OTUD7A: variants seen among roughly 807,000 people sequenced by gnomAD.
OTUD7A encodes OTU deubiquitinase 7A, also known as OTU domain-containing protein 7A.
A neutral mutation model predicts 65.7 loss-of-function variants in OTUD7A; 12 were observed. The ratio of observed to expected loss-of-function variants is 0.18; its 90% CI spans 0.12 to 0.30. The LOEUF is 0.30. Ranked by LOEUF, OTUD7A falls within the 10% of genes least tolerant of loss-of-function variation. OTUD7A has a pLI of 1.00. For missense variants in OTUD7A, 1,148 were observed against 1,304.8 expected (o/e 0.88, Z 1.85); for synonymous variants, 641 against 586.3 (o/e 1.09, Z -1.35).
intron 1 of OTUD7A, among the ~76,000 whole-genome samples, chr15:31,797,013 C>T (rs774988424): frequency 2.6e-5 from 4 of 152,282 alleles, no homozygotes; most frequent in East Asian, 1.9e-4. Flanking sequence ...GGATTACAGG[C>T]GTGAGCCACG....
chr15:31,623,349 C>T (rs1318300535), intron 3 of OTUD7A, among the ~76,000 whole-genome samples: 1 of 152,204 alleles, frequency 6.6e-6, no homozygotes, highest in African/African-American at 2.4e-5. Context: ...TTCAGCTATG[C>T]CCTGTCCCCA....
At chr15:31,556,825 A>G (rs1423172007) in intron 5 of OTUD7A, 1 of 152,266 alleles carries the variant, frequency 6.6e-6, no homozygotes, top group African/African-American at 2.4e-5. Context: ...CCGCTTCTCT[A>G]TGAATAGTGA....
intron 1 of OTUD7A, among the ~76,000 whole-genome samples, chr15:31,828,166 G>T (rs1210773231): frequency 6.6e-6 from 1 of 152,032 alleles, no homozygotes; most frequent in Non-Finnish European, 1.5e-5. Flanking sequence ...TTCCTCCTAT[G>T]CTTAAATTCT....
intron 1 of OTUD7A, among the ~76,000 whole-genome samples, chr15:31,664,628 G>A (rs1253963368): frequency 1.3e-5 from 2 of 152,086 alleles, no homozygotes; most frequent in Non-Finnish European, 2.9e-5. Flanking sequence ...TCTGCTGGCT[G>A]TTCCTTTTAC....
intron 1 of OTUD7A, among the ~76,000 whole-genome samples, chr15:31,802,776 CT>C (rs1193811695): frequency 3.3e-5 from 5 of 152,234 alleles, no homozygotes; most frequent in Non-Finnish European, 7.4e-5. Context: ...TAGTCACTTC[CT>C]TTTTTTACTC....
intron 1 of OTUD7A, among the ~76,000 whole-genome samples, chr15:31,713,106 A>C (rs1893489742): frequency 6.6e-6 from 1 of 152,212 alleles, no homozygotes; most frequent in Admixed American, 6.5e-5. Flanking sequence ...TTGAGAGAGT[A>C]TTTATGTCCA....
intron 5 of OTUD7A, among the ~76,000 whole-genome samples, chr15:31,555,585 T>C (rs982021512): frequency 3.3e-5 from 5 of 152,118 alleles, no homozygotes; most frequent in African/African-American, 1.2e-4. Flanking sequence ...TGCCAGTGCT[T>C]TCCAGTGACC....
chr15:31,524,404 C>G (rs950004131), intron 8 of OTUD7A, among the ~76,000 whole-genome samples: 1 of 152,126 alleles, frequency 6.6e-6, no homozygotes, highest in African/African-American at 2.4e-5. Context: ...GGTCTTGGAA[C>G]AGTTACCTAA....
At chr15:31,614,587 A>G (rs1890529795) in intron 3 of OTUD7A, among the ~76,000 whole-genome samples, 3 of 152,206 alleles carry the variant, frequency 2.0e-5, no homozygotes, top group Non-Finnish European at 2.9e-5. Context: ...GCCAGTCTAC[A>G]GTCCTATATC....
chr15:31,755,022 GGT>G (rs994874751), intron 1 of OTUD7A, among the ~76,000 whole-genome samples: 1 of 150,744 alleles, frequency 6.6e-6, no homozygotes, highest in Admixed American at 6.6e-5. Context: ...AGAGAGAGAT[GGT>G]GTGTGTGTGT....
intron 1 of OTUD7A, among the ~76,000 whole-genome samples, chr15:31,764,744 T>C (rs112630344): frequency 0.023 from 3,546 of 152,194 alleles, 139 homozygotes; most frequent in African/African-American, 0.08. Flanking sequence ...TCCCCAAAAT[T>C]CAGATTCAAT....
chr15:31,725,065 G>C (rs66705372), intron 1 of OTUD7A, among the ~76,000 whole-genome samples: 9,661 of 152,216 alleles, frequency 0.063, 434 homozygotes, highest in Middle Eastern at 0.14. Context: ...ACCTGGGACT[G>C]CTCCAGACAC....
intron 1 of OTUD7A, among the ~76,000 whole-genome samples, chr15:31,846,991 CTTG>C (rs1177051867): frequency 2.6e-5 from 4 of 152,288 alleles, no homozygotes; most frequent in African/African-American, 9.6e-5. Context: ...CAAGGGTCGC[CTTG>C]TTGTTCCCTG....
At chr15:31,694,931 C>T (rs1170645141) in intron 1 of OTUD7A, among the ~76,000 whole-genome samples, 6 of 152,088 alleles carry the variant, frequency 3.9e-5, no homozygotes, top group East Asian at 1.9e-4. Flanking sequence ...CTGCAAGCTC[C>T]GCCTGCTGGG....
chr15:31,609,909 A>G (rs1159826629), intron 3 of OTUD7A, among the ~76,000 whole-genome samples: 1 of 151,510 alleles, frequency 6.6e-6, no homozygotes, highest in African/African-American at 2.4e-5. Context: ...TTGTGCAGAC[A>G]ACCCCCAGTA....
chr15:31,544,099 T>C (rs189410806), intron 5 of OTUD7A, among the ~76,000 whole-genome samples: 79 of 151,988 alleles, frequency 5.2e-4, no homozygotes, highest in African/African-American at 1.9e-3. Flanking sequence ...TAGTAGTTTT[T>C]ACATACTTGC....
chr15:31,796,165 GTA>G lies in OTUD7A; in HGVS notation c.-100+74340_-100+74341del, dbSNP rs1491006045. 1.3e-3 allele frequency among the ~76,000 whole-genome samples: 197 copies of G among 147,930 alleles called. 1 individual carries two copies. The highest frequency in any genetic ancestry group is 4.7e-3 in the African/African-American group (191 of 40,274). On this transcript the variant is annotated intron_variant, in intron 1 of 12. Coordinates refer to ENST00000307050, the MANE Select transcript of OTUD7A (RefSeq NM_001382637.1). Reference sequence around the variant, plus strand: ...TGCGTGTGTGTGTGTGTGTGTGTGTGTATCTATGTATGTATCTATGCATTATC... The same window carrying G: ...TGCGTGTGTGTGTGTGTGTGTGTGTGTCTATGTATGTATCTATGCATTATC...
intron 3 of OTUD7A, among the ~76,000 whole-genome samples, chr15:31,622,249 T>A (rs761732091): frequency 6.6e-6 from 1 of 152,226 alleles, no homozygotes; most frequent in Non-Finnish European, 1.5e-5. Flanking sequence ...GTCTTGGAGT[T>A]GCTCTTCTCA....
In OTUD7A at chr15:31,483,326, G is replaced by A; in HGVS notation, c.2770C>T (p.Arg924Trp). 1.7e-6 allele frequency: 2 copies of A among 1,210,462 alleles called. No individual in the cohort carries two copies. The highest frequency in any genetic ancestry group is 2.1e-6 in the Non-Finnish European group (2 of 971,062). 75.0% of individuals were successfully genotyped at this position (1,210,462 alleles called of 1,614,324 possible). A position where few individuals can be genotyped will look rare whatever the true frequency, so the allele number is the denominator to read the frequency against. The change falls in exon 13 of 13, where the codon CGG (arginine) becomes TGG (tryptophan). Residue 924 changes from arginine to tryptophan, a missense_variant. By Grantham distance (101) the Arg-to-Trp change is moderately radical. Around this residue, in one of 6 missense-constraint regions of OTUD7A, gnomAD observed 842 missense variants for 769.5 expected, o/e 1.09. Coordinates refer to ENST00000307050, the MANE Select transcript of OTUD7A (RefSeq NM_001382637.1). ...CGGGCCCCGCGCGCCTCGCGCCGCCGCCGCAGCTCCTCGCGGTAGCAGTAG... is the reference window on the plus strand; with the variant it reads ...CGGGCCCCGCGCGCCTCGCGCCGCCACCGCAGCTCCTCGCGGTAGCAGTAG... ...CSYCYREELR[R>W]RREARGARP
Sources: gnomAD v4.1 joint callset for allele counts (sites outside exome capture counted in the v4.1 genomes callset) on GRCh38, gnomAD v4.1.1 for gene constraint, gnomAD v4.1.1 regional missense constraint, MANE v1.5 for transcripts, NCBI Gene and HGNC (gene_info 2026-07-23, HGNC 2026-07-21) for gene names.